Variants in CCDC7 observed in about 807,000 individuals in gnomAD.
CCDC7 encodes coiled-coil domain containing 7.
CCDC7 carries 183 observed loss-of-function variants against 196.9 expected under a neutral mutation model. The observed-to-expected ratio is 0.93, with a 90% confidence interval of 0.82 to 1.05. The LOEUF is 1.05. Among genes scored for constraint, CCDC7 ranks in the 50% least tolerant of loss-of-function variants. The pLI is 0.00. For synonymous variants in CCDC7, 525 were observed against 484.6 expected, an observed-to-expected ratio of 1.08 and a Z score of -1.10; for missense variants, 1,540 against 1,482.2, an observed-to-expected ratio of 1.04 and a Z score of -0.64.
chr10:32,672,581 AC>A (rs2074254372), intron 21 of CCDC7, among the ~76,000 whole-genome samples: 1 of 152,004 alleles, frequency 6.6e-6, no homozygotes, highest in Admixed American at 6.6e-5. Flanking sequence ...CAGACACATC[AC>A]CCTTTCTGGG....
chr10:32,737,067 T>C (rs1307419912), intron 28 of CCDC7, among the ~76,000 whole-genome samples: 2 of 152,174 alleles, frequency 1.3e-5, no homozygotes, highest in Non-Finnish European at 2.9e-5. Flanking sequence ...TTAAAAATCA[T>C]AAATGGGCTT....
intron 8 of CCDC7, among the ~76,000 whole-genome samples, chr10:32,488,008 A>G (rs1382356611): frequency 1.3e-5 from 2 of 152,244 alleles, no homozygotes; most frequent in East Asian, 1.9e-4. Context: ...ACTCTCTTCA[A>G]AGCTGTCAGA....
chr10:32,581,394 T>A (rs939069765), intron 16 of CCDC7, among the ~76,000 whole-genome samples: 1 of 152,130 alleles, frequency 6.6e-6, no homozygotes, highest in African/African-American at 2.4e-5. Context: ...TCTATAGTCA[T>A]CATTGCTGTT....
chr10:32,779,648 C>G (rs569081140), intron 29 of CCDC7, among the ~76,000 whole-genome samples: 2 of 152,282 alleles, frequency 1.3e-5, no homozygotes, highest in East Asian at 3.9e-4. Context: ...TTTTGAATCA[C>G]TCCTTAAAGG....
At chr10:32,729,059 C>G in intron 27 of CCDC7, 62 bp downstream of exon 28, 1 of 1,178,762 alleles carries the variant, frequency 8.5e-7, no homozygotes, top group Non-Finnish European at 1.2e-6. Context: ...AGATCTTTTC[C>G]TTTGATTCGT....
intron 28 of CCDC7, among the ~76,000 whole-genome samples, chr10:32,763,253 A>T (rs1468294360): frequency 6.6e-6 from 1 of 151,992 alleles, no homozygotes; most frequent in Non-Finnish European, 1.5e-5. Context: ...GTCAACAGGC[A>T]TATGAAAAGA....
chr10:32,571,006 C>CTTTTTTT (rs376971167), intron 15 of CCDC7, among the ~76,000 whole-genome samples: 1 of 131,408 alleles, frequency 7.6e-6, no homozygotes. Context: ...GGTCACTGGC[C>CTTTTTTT]TTTTTTTTTT....
At chr10:32,828,408 A>C (rs928946196) in intron 32 of CCDC7, among the ~76,000 whole-genome samples, 1 of 139,186 alleles carries the variant, frequency 7.2e-6, no homozygotes, top group African/African-American at 2.7e-5. Flanking sequence ...AAGAAGGAGA[A>C]GGAGAAGGAG....
rs574906761 is a variant in CCDC7, at chr10:32,739,862, C to G, written c.2905+10405C>G. On this transcript the variant is annotated intron_variant, in intron 28 of 41. Coordinates refer to ENST00000639629, the Ensembl canonical transcript of CCDC7. ...TAAAATATTGTCATTATTTTTGCCC[C>G]CCCCCACCAAACTGCTGTTTCTGGT... Among the ~76,000 whole-genome samples the G allele has an allele frequency of 9.8e-4, 149 of 151,318 alleles. 1 individual carries two copies. The highest frequency in any genetic ancestry group is 3.5e-3 in the African/African-American group (145 of 41,254).
intron 25 of CCDC7, among the ~76,000 whole-genome samples, chr10:32,724,923 C>G (rs2082904282): frequency 6.6e-6 from 1 of 152,060 alleles, no homozygotes; most frequent in African/African-American, 2.4e-5. Context: ...AAGCTGTCTT[C>G]CATAACTGCC....
intron 11 of CCDC7, among the ~76,000 whole-genome samples, chr10:32,518,795 T>C (rs886124805): frequency 1.4e-4 from 21 of 152,148 alleles, no homozygotes; most frequent in Non-Finnish European, 2.2e-4. Flanking sequence ...AAATATATTG[T>C]AAATGCATTT....
At chr10:32,676,050 G>A (rs1286083849) in intron 21 of CCDC7, among the ~76,000 whole-genome samples, 1 of 151,590 alleles carries the variant, frequency 6.6e-6, no homozygotes, top group Non-Finnish European at 1.5e-5. Flanking sequence ...TAGATCAATG[G>A]AACAGAACAG....
chr10:32,526,881 G>A (rs2048755161), intron 11 of CCDC7, among the ~76,000 whole-genome samples: 1 of 152,126 alleles, frequency 6.6e-6, no homozygotes, highest in Non-Finnish European at 1.5e-5. Context: ...GGGGAAGGGT[G>A]GCACAAGCAT....
chr10:32,571,968 A>T, intron 16 of CCDC7, 75 bp downstream of exon 17: 1 of 1,337,026 alleles, frequency 7.5e-7, no homozygotes, highest in Non-Finnish European at 9.9e-7. Context: ...AATGAAAATA[A>T]CCATTCTAAA....
At chr10:32,647,491 A>C (rs1319159833) in intron 20 of CCDC7, among the ~76,000 whole-genome samples, 1 of 7,562 alleles carries the variant, frequency 1.3e-4, no homozygotes, top group East Asian at 1.5e-3. Context: ...CAGCCTTACC[A>C]GCATCTGTAG....
intron 28 of CCDC7, among the ~76,000 whole-genome samples, chr10:32,758,596 T>C (rs2076884796): frequency 6.6e-6 from 1 of 152,154 alleles, no homozygotes; most frequent in Non-Finnish European, 1.5e-5. Context: ...ATGGGACATA[T>C]CTCAAAATAA....
chr10:32,637,080 GT>G (rs996744249), intron 20 of CCDC7, among the ~76,000 whole-genome samples: 2 of 152,076 alleles, frequency 1.3e-5, no homozygotes, highest in Non-Finnish European at 2.9e-5. Context: ...GGGGTTGTTT[GT>G]TTTTTTCTTG....
chr10:32,658,255 C>T (rs1293590784), intron 20 of CCDC7, among the ~76,000 whole-genome samples: 3 of 152,154 alleles, frequency 2.0e-5, no homozygotes, highest in African/African-American at 4.8e-5. Context: ...AGTTCATTCT[C>T]AAACTGCTAT....
At chr10:32,507,086 G>A (rs548137757) in intron 9 of CCDC7, among the ~76,000 whole-genome samples, 14 of 152,034 alleles carry the variant, frequency 9.2e-5, no homozygotes, top group Non-Finnish European at 1.6e-4. Context: ...TCTGCCTCCC[G>A]GGTTCAAGTG....
Sources: allele counts gnomAD v4.1 joint callset (sites outside exome capture counted in the v4.1 genomes callset), GRCh38; gene constraint gnomAD v4.1.1; transcripts MANE v1.5; gene names NCBI Gene and HGNC (gene_info 2026-07-23, HGNC 2026-07-21).